Variants in LSAMP observed in about 807,000 individuals in gnomAD.
LSAMP encodes the protein limbic system-associated membrane protein.
A neutral mutation model predicts 38.6 loss-of-function variants in LSAMP; 7 were observed. The ratio of observed to expected loss-of-function variants is 0.18; its 90% CI spans 0.10 to 0.34. The LOEUF (loss-of-function observed/expected upper bound fraction) is 0.34, where lower values mean the gene tolerates loss of function less well. Ranked by LOEUF, LSAMP falls within the 10% of genes least tolerant of loss-of-function variation. The probability of loss-of-function intolerance (pLI) is 1.00; values close to 1 mark genes in which losing one functional copy is unlikely to be tolerated. For missense variants in LSAMP, 313 were observed against 420.0 expected, an observed-to-expected ratio of 0.75 and a Z score of 2.23; for synonymous variants, 154 against 166.8, an observed-to-expected ratio of 0.92 and a Z score of 0.59.
intron 1 of LSAMP, among the ~76,000 whole-genome samples, chr3:116,279,546 GTC>G (rs2047099248): frequency 6.6e-6 from 1 of 152,124 alleles, no homozygotes; most frequent in Non-Finnish European, 1.5e-5. Context: ...GCTTGTGCTA[GTC>G]TCAAATATTG....
chr3:116,093,603 T>C (rs1012625762), intron 1 of LSAMP, among the ~76,000 whole-genome samples: 1 of 152,220 alleles, frequency 6.6e-6, no homozygotes, highest in Admixed American at 6.5e-5. Context: ...TTTACTTTAG[T>C]TTCATAATCG....
intron 1 of LSAMP, among the ~76,000 whole-genome samples, chr3:116,266,435 G>A (rs1042040939): frequency 2.0e-5 from 3 of 152,028 alleles, no homozygotes; most frequent in African/African-American, 7.2e-5. Flanking sequence ...ATCACTCAGA[G>A]GAAACAACAC....
intron 3 of LSAMP, among the ~76,000 whole-genome samples, chr3:115,890,184 G>A (rs1258224904): frequency 1.3e-5 from 2 of 151,794 alleles, no homozygotes; most frequent in Non-Finnish European, 2.9e-5. Context: ...AAGCATCCAC[G>A]GCTCTATATG....
At chr3:116,004,940 A>G (rs534101187) in intron 3 of LSAMP, among the ~76,000 whole-genome samples, 3 of 152,272 alleles carry the variant, frequency 2.0e-5, no homozygotes, top group Admixed American at 1.3e-4. Flanking sequence ...GAAATTGTCA[A>G]TGCAGAGTAC....
chr3:116,246,561 A>C (rs1201054594), intron 1 of LSAMP, among the ~76,000 whole-genome samples: 3 of 152,168 alleles, frequency 2.0e-5, no homozygotes, highest in African/African-American at 7.2e-5. Context: ...AGTTTGTCTG[A>C]GAAAATTATG....
At chr3:115,935,764 A>G (rs1937680445) in intron 3 of LSAMP, among the ~76,000 whole-genome samples, 2 of 152,278 alleles carry the variant, frequency 1.3e-5, no homozygotes, top group Admixed American at 6.5e-5. Context: ...CATCATGACA[A>G]TTCCAAGAAA....
At chr3:115,906,744 A>G (rs1937016778) in intron 3 of LSAMP, among the ~76,000 whole-genome samples, 1 of 152,134 alleles carries the variant, frequency 6.6e-6, no homozygotes, top group Non-Finnish European at 1.5e-5. Flanking sequence ...TGCCCATTGA[A>G]TGTTAAGTCC....
intron 2 of LSAMP, among the ~76,000 whole-genome samples, chr3:116,072,628 T>C (rs1707636155): frequency 6.6e-6 from 1 of 152,196 alleles, no homozygotes. Flanking sequence ...GTGGTTTTGA[T>C]TTGTATTTAT....
chr3:116,203,188 G>A (rs2046011623), intron 1 of LSAMP, among the ~76,000 whole-genome samples: 1 of 152,100 alleles, frequency 6.6e-6, no homozygotes, highest in Admixed American at 6.5e-5. Flanking sequence ...GAGCACGTTT[G>A]TCTTATTCCT....
intron 1 of LSAMP, among the ~76,000 whole-genome samples, chr3:116,276,674 T>G (rs796798273): frequency 7.3e-5 from 6 of 81,952 alleles, no homozygotes; most frequent in Admixed American, 1.3e-4. Context: ...TATGGAAAAA[T>G]AAAAAAAAAG....
chr3:116,387,096 G>A (rs925847443), intron 1 of LSAMP, among the ~76,000 whole-genome samples: 1 of 152,138 alleles, frequency 6.6e-6, no homozygotes, highest in Admixed American at 6.5e-5. Context: ...AGCCTAAGAA[G>A]TATTGACTTT....
chr3:116,203,732 A>G (rs2046024485), intron 1 of LSAMP, among the ~76,000 whole-genome samples: 1 of 151,740 alleles, frequency 6.6e-6, no homozygotes, highest in South Asian at 2.1e-4. Context: ...ACATGAACTC[A>G]TCATTTTTTA....
chr3:116,391,867 G>A (rs2048704671), intron 1 of LSAMP, among the ~76,000 whole-genome samples: 1 of 152,062 alleles, frequency 6.6e-6, no homozygotes. Flanking sequence ...TTCTCTGCCT[G>A]GGAAGAGGTT....
At chr3:116,347,654 C>T (rs1405797823) in intron 1 of LSAMP, among the ~76,000 whole-genome samples, 4 of 152,064 alleles carry the variant, frequency 2.6e-5, no homozygotes, top group East Asian at 1.9e-4. Flanking sequence ...TTGTAGGTAA[C>T]GTGACAGTAA....
chr3:115,850,991 G>T (rs926104598), intron 4 of LSAMP, among the ~76,000 whole-genome samples: 2 of 151,414 alleles, frequency 1.3e-5, no homozygotes, highest in African/African-American at 2.4e-5. Context: ...TTTTTATTTT[G>T]AGACAGAGTT....
At chr3:116,071,334 G>A (rs1179464718) in intron 2 of LSAMP, among the ~76,000 whole-genome samples, 1 of 147,266 alleles carries the variant, frequency 6.8e-6, no homozygotes, top group Non-Finnish European at 1.5e-5. Context: ...TAATCATGAG[G>A]GTTTTTTTTT....
chr3:115,993,607 TAAAG>T (rs1294701938), intron 3 of LSAMP, among the ~76,000 whole-genome samples: 2 of 152,078 alleles, frequency 1.3e-5, no homozygotes, highest in East Asian at 1.9e-4. Context: ...CTTGTGCTCA[TAAAG>T]AAACAGACTT....
intron 3 of LSAMP, among the ~76,000 whole-genome samples, chr3:115,910,204 C>T (rs1937104240): frequency 6.6e-6 from 1 of 152,154 alleles, no homozygotes; most frequent in Non-Finnish European, 1.5e-5. Context: ...AGGTCTTTTG[C>T]TCAATCTTCT....
At chr3:116,002,881 G>A (rs1175636087) in intron 3 of LSAMP, among the ~76,000 whole-genome samples, 1 of 152,136 alleles carries the variant, frequency 6.6e-6, no homozygotes, top group South Asian at 2.1e-4. Context: ...CATCTATTAT[G>A]AGCAATGTTT....
Sources: allele counts gnomAD v4.1 joint callset (sites outside exome capture counted in the v4.1 genomes callset), GRCh38; gene constraint gnomAD v4.1.1; transcripts MANE v1.5; gene names NCBI Gene and HGNC (gene_info 2026-07-23, HGNC 2026-07-21).